Variants in TMX4 observed in about 807,000 individuals in gnomAD.
The protein encoded by TMX4 is thioredoxin related transmembrane protein 4, also known as thioredoxin-related transmembrane protein 4.
Under a neutral mutation model 33.3 loss-of-function variants are expected in TMX4, and 23 were observed. The observed-to-expected ratio is 0.69, with a 90% confidence interval of 0.50 to 0.98. The LOEUF is 0.98. Among genes scored for constraint, TMX4 ranks in the 50% least tolerant of loss-of-function variants. The pLI is 0.00. For synonymous variants in TMX4, 164 were observed against 161.5 expected, an observed-to-expected ratio of 1.02 and a Z score of -0.12; for missense variants, 399 against 448.9, an observed-to-expected ratio of 0.89 and a Z score of 1.01.
chr20:8,012,782 A>G (rs974159366), intron 1 of TMX4, among the ~76,000 whole-genome samples: 1 of 152,178 alleles, frequency 6.6e-6, no homozygotes, highest in Non-Finnish European at 1.5e-5. Context: ...TCAGATATAC[A>G]ATTATAATGC....
rs780818744 is a variant in TMX4, at chr20:7,982,200, G to A, written c.*51C>T. 1.3e-6 allele frequency: 2 copies of A among 1,552,824 alleles called. No individual in the cohort carries two copies. Among genetic ancestry groups the A allele is most frequent in the Admixed American group, 1.8e-5 (1 of 54,866 alleles). ...ATTTGGTACAAACTGCAGGCCAAAG[G>A]GAAGCTGACATATTGTTTTGGTGTG... On this transcript the variant is annotated 3_prime_UTR_variant, in exon 8 of 8. Transcript: ENST00000246024.
Position 7,977,364 on chromosome 20 carries a change from G to C in TMX4, c.*4887C>G, listed in dbSNP as rs1257972163. 6.6e-6 allele frequency: 1 copy of C among 152,226 alleles called. No individual in the cohort carries two copies. Among genetic ancestry groups the C allele is most frequent in the Non-Finnish European group, 1.5e-5 (1 of 68,038 alleles). The allele number at this position is 152,226 out of a possible 1,614,324, so 9.4% of individuals were successfully genotyped here. A position where few individuals can be genotyped will look rare whatever the true frequency, so the allele number is the denominator to read the frequency against. On this transcript the variant is annotated 3_prime_UTR_variant, in exon 8 of 8. Transcript: ENST00000246024. ...GACTAGATGGAGGATGGACACGAAG[G>C]AAAATTTTTTTTAACAAATTAATAT... is the stretch of plus-strand genomic sequence containing the variant.
intron 1 of TMX4, among the ~76,000 whole-genome samples, chr20:8,015,008 C>CT (rs79573868): frequency 0.077 from 11,034 of 142,886 alleles, 1,003 homozygotes; most frequent in East Asian, 0.54. Context: ...TTCTTTTTTT[C>CT]TTTTTTTTTT....
intron 6 of TMX4, among the ~76,000 whole-genome samples, chr20:7,985,277 AT>A (rs1214396295): frequency 0.02 from 2,159 of 110,510 alleles, 47 homozygotes; most frequent in African/African-American, 0.063. Flanking sequence ...ATATATATAT[AT>A]TTTTTTTTTT....
intron 4 of TMX4, among the ~76,000 whole-genome samples, chr20:7,998,902 C>G (rs935138057): frequency 2.0e-5 from 3 of 152,128 alleles, no homozygotes; most frequent in African/African-American, 7.2e-5. Flanking sequence ...TTTATCCACC[C>G]TCATCCCAAC....
Position 7,982,515 on chromosome 20 carries a change from A to G in TMX4, c.786T>C (p.Asp262=), listed in dbSNP as rs559580432. ...NEEENKDSLV[D]DEEEKEDLGD... is the part of the protein sequence containing the mutation. ...CAAGATCTTCTTTCTCTTCTTCATC[A>G]TCTACAAGGCTGTCTTTGTTTTCTT... is the stretch of plus-strand genomic sequence containing the variant. The change falls in exon 8 of 8, where the codon GAT becomes GAC. Residue 262 remains aspartate, a synonymous_variant. Transcript: ENST00000246024. 1 of 1,613,492 alleles carries G rather than the reference A, an allele frequency of 6.2e-7. No homozygotes were observed. Among genetic ancestry groups the G allele is most frequent in the Admixed American group, 1.7e-5 (1 of 59,972 alleles).
intron 1 of TMX4, among the ~76,000 whole-genome samples, chr20:8,018,373 G>A (rs1458725915): frequency 5.5e-5 from 4 of 72,406 alleles, no homozygotes; most frequent in Non-Finnish European, 2.5e-5. Context: ...AGAGAGGAGA[G>A]AGAGGAGAGA....
At chr20:7,984,089 G>A (rs553470053) in intron 6 of TMX4, among the ~76,000 whole-genome samples, 3 of 152,294 alleles carry the variant, frequency 2.0e-5, no homozygotes, top group Admixed American at 6.5e-5. Flanking sequence ...AGTCTACAGA[G>A]AACCCACTAT....
At chr20:8,004,429 C>T (rs1176929992) in intron 2 of TMX4, among the ~76,000 whole-genome samples, 1 of 152,164 alleles carries the variant, frequency 6.6e-6, no homozygotes, top group Admixed American at 6.5e-5. Context: ...TTGGAAGAAA[C>T]AAGTATACTC....
rs975876533 is a variant in TMX4 at position 7,978,220 on chromosome 20, C to G, written c.*4031G>C. ...GAGGGACACAGATAACCTATTGATA[C>G]GAGCAACAGAACCAGCCTCCCTCTT... is the stretch of plus-strand genomic sequence containing the variant. On this transcript the variant is annotated 3_prime_UTR_variant, in exon 8 of 8. Coordinates refer to ENST00000246024, the MANE Select transcript of TMX4 (RefSeq NM_021156.4). 10 of 152,186 alleles carry G rather than the reference C, an allele frequency of 6.6e-5. No homozygotes were observed. The highest frequency in any genetic ancestry group is 1.2e-4 in the Non-Finnish European group (8 of 68,030). The allele number at this position is 152,186 out of a possible 1,614,324, so 9.4% of individuals were successfully genotyped here. A position where few individuals can be genotyped will look rare whatever the true frequency, so the allele number is the denominator to read the frequency against.
intron 1 of TMX4, among the ~76,000 whole-genome samples, chr20:8,015,814 G>A (rs1033283751): frequency 6.6e-6 from 1 of 152,002 alleles, no homozygotes; most frequent in African/African-American, 2.4e-5. Flanking sequence ...TCCATCACCA[G>A]GTGTTTAATT....
At chr20:8,010,362 T>A (rs1229240114) in intron 1 of TMX4, 47 bp from the exon 2 acceptor site, 1 of 1,240,816 alleles carries the variant, frequency 8.1e-7, no homozygotes, top group East Asian at 2.6e-5. Context: ...ACAGAAGAAA[T>A]CTGCAAAACA....
At chr20:7,991,958 G>A (rs2050657100) in intron 5 of TMX4, among the ~76,000 whole-genome samples, 1 of 152,156 alleles carries the variant, frequency 6.6e-6, no homozygotes, top group Non-Finnish European at 1.5e-5. Flanking sequence ...GAAGACAGAA[G>A]ACTGGACAGT....
intron 1 of TMX4, among the ~76,000 whole-genome samples, chr20:8,016,169 A>C (rs1169563961): frequency 2.0e-5 from 3 of 152,236 alleles, no homozygotes; most frequent in Admixed American, 6.5e-5. Flanking sequence ...TGCATCATAC[A>C]GTAGTTTAAA....
At chr20:8,012,064 C>G (rs1023717848) in intron 1 of TMX4, among the ~76,000 whole-genome samples, 7 of 152,076 alleles carry the variant, frequency 4.6e-5, no homozygotes, top group Non-Finnish European at 7.4e-5. Flanking sequence ...TTCTAAATAT[C>G]CAAGTTAACA....
chr20:8,016,515 C>A (rs2050776236), intron 1 of TMX4, among the ~76,000 whole-genome samples: 1 of 152,128 alleles, frequency 6.6e-6, no homozygotes, highest in Non-Finnish European at 1.5e-5. Flanking sequence ...TTTTAAAACA[C>A]TGGAAATTCA....
chr20:7,996,257 T>C (rs1339846937), intron 4 of TMX4, among the ~76,000 whole-genome samples, 186 bp from the exon 5 acceptor site: 1 of 152,164 alleles, frequency 6.6e-6, no homozygotes, highest in East Asian at 1.9e-4. Context: ...CTGCTGTAAA[T>C]CTATTCCAAC....
chr20:8,010,134 G>A (rs2050746862), intron 2 of TMX4, 66 bp downstream of exon 2: 2 of 1,385,018 alleles, frequency 1.4e-6, no homozygotes, highest in Non-Finnish European at 1.0e-6. Flanking sequence ...TTTTCTATAT[G>A]CTTGAAAAAA....
Position 8,010,327 on chromosome 20 carries a change from G to A in TMX4, c.177-12C>T. The A allele has an allele frequency of 1.3e-6, 2 of 1,566,176 alleles. No homozygotes were observed. Among genetic ancestry groups the A allele is most frequent in the South Asian group, 1.1e-5 (1 of 87,040 alleles). On this transcript the variant is annotated splice_polypyrimidine_tract_variant and intron_variant, in intron 1 of 7. Coordinates refer to ENST00000246024, the MANE Select transcript of TMX4 (RefSeq NM_021156.4). Reference sequence around the variant, plus strand: ...ACCATGGGGCGTAACTATAAGAGAAGAATAAGAATTATATTGATAAATATA... The same window carrying A: ...ACCATGGGGCGTAACTATAAGAGAAAAATAAGAATTATATTGATAAATATA...
Sources: allele counts gnomAD v4.1 joint callset (sites outside exome capture counted in the v4.1 genomes callset), GRCh38; gene constraint gnomAD v4.1.1; transcripts MANE v1.5; gene names NCBI Gene and HGNC (gene_info 2026-07-23, HGNC 2026-07-21).